CYTH1: variants seen among roughly 807,000 people sequenced by gnomAD.
The protein encoded by CYTH1 is cytohesin-1.
CYTH1 carries 18 observed loss-of-function variants against 61.8 expected under a neutral mutation model. The observed-to-expected ratio is 0.29, with a 90% confidence interval of 0.20 to 0.43. The LOEUF is 0.43. Ranked by LOEUF, CYTH1 falls within the 20% of genes least tolerant of loss-of-function variation. The probability of loss-of-function intolerance (pLI) is 1.00; values close to 1 mark genes in which losing one functional copy is unlikely to be tolerated. For synonymous variants in CYTH1, 174 were observed against 184.3 expected, an observed-to-expected ratio of 0.94 and a Z score of 0.45; for missense variants, 336 against 510.5, an observed-to-expected ratio of 0.66 and a Z score of 3.29.
At position 78,737,406 on chromosome 17, in the gene CYTH1, C is replaced by T. The variant is rs556701538; in HGVS notation, c.23-27674G>A. Among the ~76,000 whole-genome samples the T allele has an allele frequency of 5.3e-4, 81 of 151,902 alleles. 1 individual carries two copies. The highest frequency in any genetic ancestry group is 8.5e-4 in the Non-Finnish European group (58 of 67,976). ...CTTTTTTTATTTTCCAAATATTTTC[C>T]ATCCACAATAGGTTAAATCCATGGA... On this transcript the variant is annotated intron_variant, in intron 1 of 13. Transcript: ENST00000446868.
intron 1 of CYTH1, among the ~76,000 whole-genome samples, chr17:78,713,124 AAGTC>A (rs1189657374): frequency 1.3e-5 from 2 of 151,944 alleles, no homozygotes; most frequent in Non-Finnish European, 2.9e-5. Context: ...CTTCAGGAAA[AAGTC>A]AGACAAATAA....
intron 1 of CYTH1, among the ~76,000 whole-genome samples, chr17:78,767,942 GA>G (rs2093455722): frequency 6.6e-6 from 1 of 152,108 alleles, no homozygotes; most frequent in African/African-American, 2.4e-5. Context: ...CAAAAGAAAG[GA>G]AGTTAAACAG....
At chr17:78,709,336 C>T (rs1156851079) in intron 2 of CYTH1, 1 of 277,278 alleles carries the variant, frequency 3.6e-6, no homozygotes, top group East Asian at 6.6e-5. Context: ...TGCCTCTCCT[C>T]ATCCACTCTG....
chr17:78,730,433 G>A (rs112307169), intron 1 of CYTH1, among the ~76,000 whole-genome samples: 65,895 of 144,686 alleles, frequency 0.46, 15,893 homozygotes, highest in Non-Finnish European at 0.53. Flanking sequence ...CAGCTATTCT[G>A]GAAGCTGAGG....
chr17:78,724,356 G>A (rs2093253769), intron 1 of CYTH1, among the ~76,000 whole-genome samples: 1 of 152,156 alleles, frequency 6.6e-6, no homozygotes, highest in African/African-American at 2.4e-5. Flanking sequence ...GAAGGGAGGA[G>A]ATATTTTTTA....
intron 11 of CYTH1, among the ~76,000 whole-genome samples, chr17:78,690,191 C>T (rs1273427673): frequency 1.3e-5 from 2 of 151,346 alleles, no homozygotes; most frequent in African/African-American, 2.4e-5. Context: ...ATCAGGAGAT[C>T]GAGACCATCC....
At position 78,675,610 on chromosome 17, in the gene CYTH1, G is replaced by A. The variant is rs2092689655; in HGVS notation, c.*481C>T. 1.7e-5 allele frequency: 4 copies of A among 230,274 alleles called. No homozygotes were observed. The highest frequency in any genetic ancestry group is 3.3e-5 in the Non-Finnish European group (4 of 121,254). 14.3% of individuals were successfully genotyped at this position (230,274 alleles called of 1,614,324 possible). On this transcript the variant is annotated 3_prime_UTR_variant, in exon 14 of 14. Coordinates refer to ENST00000446868, the MANE Select transcript of CYTH1 (RefSeq NM_004762.6). ...AGCGCAGCCAGGGCAGAATGCACCT[G>A]AACAGCCCTACGTTCTCTCTTAAAA...
At chr17:78,774,510 T>G (rs533435374) in intron 1 of CYTH1, among the ~76,000 whole-genome samples, 55 of 152,280 alleles carry the variant, frequency 3.6e-4, no homozygotes, top group Admixed American at 3.6e-3. Context: ...CACCACATAT[T>G]AACTTTTTAC....
intron 11 of CYTH1, among the ~76,000 whole-genome samples, chr17:78,687,428 A>G (rs939266173): frequency 2.6e-5 from 4 of 152,136 alleles, no homozygotes; most frequent in African/African-American, 9.7e-5. Flanking sequence ...GTTGTCTCAA[A>G]CGTACTTTTA....
intron 1 of CYTH1, among the ~76,000 whole-genome samples, chr17:78,758,123 A>T (rs954775416): frequency 3.3e-5 from 5 of 152,200 alleles, no homozygotes; most frequent in Non-Finnish European, 7.3e-5. Flanking sequence ...AATCACTGGA[A>T]ATGTGAGCAA....
intron 7 of CYTH1, 38 bp from the exon 8 acceptor site, chr17:78,699,006 GCTCAGATGTTCAGAAACATCC>G: frequency 6.3e-7 from 1 of 1,599,042 alleles, no homozygotes; most frequent in East Asian, 2.3e-5. Context: ...GCCGTTGCAT[GCTCAGATGTTCAGAAACATCC>G]CACCCGCAAG....
At chr17:78,738,189 T>C (rs1192605308) in intron 1 of CYTH1, among the ~76,000 whole-genome samples, 1 of 152,190 alleles carries the variant, frequency 6.6e-6, no homozygotes, top group East Asian at 1.9e-4. Flanking sequence ...TAGATAACAT[T>C]TATTGCATGC....
Position 78,674,927 on chromosome 17 carries a change from C to G in CYTH1, c.*1164G>C, listed in dbSNP as rs915087530. The stretch of plus-strand genomic sequence containing the variant: ...GATGCGAGAGGCAGCCCGGCCACCC[C>G]CCTCACTCCAGTGCACCCCACGGAG... On this transcript the variant is annotated 3_prime_UTR_variant, in exon 14 of 14. Transcript: ENST00000446868. 4 of 153,758 alleles carry G rather than the reference C, an allele frequency of 2.6e-5. No homozygotes were observed. In the East Asian group the frequency reaches 7.7e-4, roughly 29 times the overall value. 9.5% of individuals were successfully genotyped at this position (153,758 alleles called of 1,614,324 possible).
At chr17:78,724,786 G>A (rs894536506) in intron 1 of CYTH1, among the ~76,000 whole-genome samples, 1 of 152,172 alleles carries the variant, frequency 6.6e-6, no homozygotes, top group Non-Finnish European at 1.5e-5. Flanking sequence ...CCACTGCCAT[G>A]CCATGGGGGT....
At chr17:78,741,871 G>A (rs2144640295) in intron 1 of CYTH1, among the ~76,000 whole-genome samples, 1 of 152,312 alleles carries the variant, frequency 6.6e-6, no homozygotes, top group Middle Eastern at 3.4e-3. Context: ...GCAAAAGGAA[G>A]GTGTCGGGTG....
At chr17:78,752,057 T>C (rs1007448972) in intron 1 of CYTH1, among the ~76,000 whole-genome samples, 1 of 152,128 alleles carries the variant, frequency 6.6e-6, no homozygotes. Context: ...TTTCAAATAG[T>C]CTAGTTCAAA....
rs114783779 is a variant in CYTH1, at chr17:78,769,589, C to T, written c.22+12613G>A. 8.8e-3 allele frequency among the ~76,000 whole-genome samples: 1,346 copies of T among 152,268 alleles called. 21 individuals are homozygous for T. The highest frequency in any genetic ancestry group is 0.031 in the African/African-American group (1,272 of 41,526). ...CACACCTGCCACATCTACTGTGACA[C>T]GCTCCTTCACAGCTTGCTGCCATGT... is the stretch of plus-strand genomic sequence containing the variant. On this transcript the variant is annotated intron_variant, in intron 1 of 13. Transcript: ENST00000446868.
At chr17:78,768,083 G>C (rs761805106) in intron 1 of CYTH1, among the ~76,000 whole-genome samples, 2 of 152,046 alleles carry the variant, frequency 1.3e-5, no homozygotes, top group Non-Finnish European at 2.9e-5. Context: ...AGACTGGCTC[G>C]GAATCATTGT....
At chr17:78,728,928 G>T (rs2093279764) in intron 1 of CYTH1, among the ~76,000 whole-genome samples, 1 of 152,110 alleles carries the variant, frequency 6.6e-6, no homozygotes, top group African/African-American at 2.4e-5. Context: ...AATAAAACCT[G>T]AATAATTCTA....
Sources: allele counts gnomAD v4.1 joint callset (sites outside exome capture counted in the v4.1 genomes callset), GRCh38; gene constraint gnomAD v4.1.1; transcripts MANE v1.5; gene names NCBI Gene and HGNC (gene_info 2026-07-23, HGNC 2026-07-21).